ELMOD3: variants seen among roughly 807,000 people sequenced by gnomAD.
ELMOD3 encodes ELMO domain-containing protein 3.
ELMOD3 carries 36 observed loss-of-function variants against 47.4 expected under a neutral mutation model. The ratio of observed to expected loss-of-function variants is 0.76; its 90% CI spans 0.58 to 1.00. The LOEUF (loss-of-function observed/expected upper bound fraction) is 1.00. Among genes scored for constraint, ELMOD3 ranks in the 50% least tolerant of loss-of-function variants. ELMOD3 has a pLI of 0.00. For synonymous variants in ELMOD3, 149 were observed against 183.5 expected, an observed-to-expected ratio of 0.81 and a Z score of 1.52; for missense variants, 404 against 463.8, an observed-to-expected ratio of 0.87 and a Z score of 1.18.
At chr2:85,388,457 A>G (rs968406823) in intron 11 of ELMOD3, among the ~76,000 whole-genome samples, 1 of 152,160 alleles carries the variant, frequency 6.6e-6, no homozygotes, top group Admixed American at 6.5e-5. Context: ...ACAGCACTCA[A>G]AGTTTATGTC....
At chr2:85,372,595 A>C (rs962551734) in intron 10 of ELMOD3, 2 of 152,070 alleles carry the variant, frequency 1.3e-5, no homozygotes, top group Non-Finnish European at 2.9e-5. Context: ...TTTTTTCAAA[A>C]CCATATCAAA....
intron 11 of ELMOD3, among the ~76,000 whole-genome samples, chr2:85,381,682 A>G (rs1685547566): frequency 6.6e-6 from 1 of 152,116 alleles, no homozygotes; most frequent in African/African-American, 2.4e-5. Context: ...TTGCAATCTC[A>G]TGCACCCACC....
At chr2:85,369,283 G>A (rs1684616966) in intron 7 of ELMOD3, among the ~76,000 whole-genome samples, 1 of 152,220 alleles carries the variant, frequency 6.6e-6, no homozygotes, top group African/African-American at 2.4e-5. Context: ...AATAGTATCA[G>A]CCATTGCCTA....
chr2:85,370,991 T>C, intron 8 of ELMOD3, 95 bp from the exon 9 acceptor site: 2 of 1,452,586 alleles, frequency 1.4e-6, no homozygotes, highest in South Asian at 2.6e-5. Flanking sequence ...GGGGAGTTAC[T>C]TTCTGCAAGC....
chr2:85,380,256 A>G (rs937212975), intron 11 of ELMOD3, among the ~76,000 whole-genome samples: 7 of 152,256 alleles, frequency 4.6e-5, no homozygotes, highest in Non-Finnish European at 1.0e-4. Context: ...TGGTCATAGC[A>G]GTATACTAAA....
intron 4 of ELMOD3, among the ~76,000 whole-genome samples, chr2:85,357,753 T>A (rs1229699157): frequency 6.6e-6 from 1 of 152,166 alleles, no homozygotes; most frequent in Non-Finnish European, 1.5e-5. Flanking sequence ...CCAGAAAGAT[T>A]TTCTTCACTG....
chr2:85,388,225 A>G (rs1686073779), intron 11 of ELMOD3, among the ~76,000 whole-genome samples: 1 of 152,146 alleles, frequency 6.6e-6, no homozygotes, highest in East Asian at 1.9e-4. Flanking sequence ...CCTAGACTCA[A>G]GTGATCCATC....
Position 85,357,247 on chromosome 2 carries a change from G to A in ELMOD3, c.49G>A (p.Gly17Arg). The A allele has an allele frequency of 6.3e-7, 1 of 1,597,610 alleles. No homozygotes were observed. The highest frequency in any genetic ancestry group is 8.6e-7 in the Non-Finnish European group (1 of 1,166,988). The change falls in exon 4 of 14, where the codon GGA (glycine) becomes AGA (arginine). Residue 17 changes from glycine to arginine, a missense_variant. Physicochemically the swap from Gly to Arg is moderately radical, Grantham distance 125 (BLOSUM62 -2). Coordinates refer to ENST00000409013, the MANE Select transcript of ELMOD3 (RefSeq NM_001135022.2). ...CCATAGTAAAGAAGAATTAAGAGATGGACAGGTAAGCATGCACTCTTATTT... is the reference window on the plus strand; with the variant it reads ...CCATAGTAAAGAAGAATTAAGAGATAGACAGGTAAGCATGCACTCTTATTT... ...SFHSKEELRD[G>R]QGERLSAGYS...
At chr2:85,364,825 A>ATATATATATATATTTTT (rs375582916) in intron 6 of ELMOD3, among the ~76,000 whole-genome samples, 1 of 69,890 alleles carries the variant, frequency 1.4e-5, no homozygotes, top group Non-Finnish European at 2.5e-5. Flanking sequence ...ATATATATAT[A>ATATATATATATATTTTT]TTTTTTTTTT....
intron 10 of ELMOD3, 51 bp from the exon 11 acceptor site, chr2:85,377,293 T>C: frequency 6.6e-7 from 1 of 1,516,740 alleles, no homozygotes; most frequent in South Asian, 1.3e-5. Flanking sequence ...TGGCAAGCCC[T>C]TGAAGCATTG....
At chr2:85,378,932 G>A (rs2104661721) in intron 11 of ELMOD3, among the ~76,000 whole-genome samples, 1 of 152,282 alleles carries the variant, frequency 6.6e-6, no homozygotes, top group East Asian at 1.9e-4. Flanking sequence ...GTCCTATGAA[G>A]AGAAAATACG....
rs1686249038 is a variant in ELMOD3 at position 85,390,272 on chromosome 2, T to C, written c.943+7T>C. 1 of 1,614,132 alleles carries C rather than the reference T, an allele frequency of 6.2e-7. No individual in the cohort carries two copies. The highest frequency in any genetic ancestry group is 8.5e-7 in the Non-Finnish European group (1 of 1,180,026). On this transcript the variant is annotated splice_region_variant and intron_variant, in intron 13 of 13. Transcript: ENST00000409013. ...TCGGGCTTTGTCCTCAAAGGTGTGCTCTTTCTTCTGGGGAGGCCTAGGCTG... is the reference window on the plus strand; with the variant it reads ...TCGGGCTTTGTCCTCAAAGGTGTGCCCTTTCTTCTGGGGAGGCCTAGGCTG...
rs1683622598 is a variant in ELMOD3, at chr2:85,357,189, A to T, written c.-10A>T. The T allele has an allele frequency of 1.9e-6, 3 of 1,604,578 alleles. No homozygotes were observed. The highest frequency in any genetic ancestry group is 2.6e-6 in the Non-Finnish European group (3 of 1,174,032). On this transcript the variant is annotated 5_prime_UTR_variant, in exon 4 of 14. The change abolishes the stop of an existing upstream ORF in the 5' untranslated region. Transcript: ENST00000409013. ...AGGACAAAGCTCACATGAACAAATG[A>T]TTTTGAGTCATGAATGAAAAATCTT... is the stretch of plus-strand genomic sequence containing the variant.
chr2:85,371,632 C>A, intron 10 of ELMOD3, 70 bp downstream of exon 10: 1 of 1,594,166 alleles, frequency 6.3e-7, no homozygotes, highest in South Asian at 1.1e-5. Flanking sequence ...GAGGCCAGGT[C>A]GTTCTCTTCC....
chr2:85,382,609 G>A (rs561811166), intron 11 of ELMOD3, among the ~76,000 whole-genome samples: 14 of 149,716 alleles, frequency 9.4e-5, no homozygotes, highest in East Asian at 8.1e-4. Flanking sequence ...TCCACCTCTC[G>A]AGTTCAAGTG....
rs145654303 is a variant in ELMOD3 at position 85,388,931 on chromosome 2, A to C, written c.739-820A>C. ...TCTGTACTAAGGAATGCACTGGTCT[A>C]TGTGTTCCTCTCACTGGGTGTCCTT... On this transcript the variant is annotated intron_variant, in intron 11 of 13. Transcript: ENST00000409013. Among the ~76,000 whole-genome samples the C allele has an allele frequency of 2.0e-5, 3 of 152,360 alleles. No homozygotes were observed. The East Asian group carries it at 5.8e-4, about 29-fold the overall frequency.
chr2:85,367,549 T>C (rs562580295), intron 6 of ELMOD3: 1 of 152,264 alleles, frequency 6.6e-6, no homozygotes, highest in South Asian at 2.1e-4. Flanking sequence ...AATAAACCCA[T>C]TGGAAACGAA....
chr2:85,357,203 A>G lies in ELMOD3; in HGVS notation c.5A>G (p.Asn2Ser). ...ATGAACAAATGATTTTGAGTCATGA[A>G]TGAAAAATCTTGCTCTTTCCATAGT... M[N>S]EKSCSFHSKE... Residue 2 changes from asparagine (N) to serine (S), a missense_variant, in exon 4 of 14, where the codon AAT becomes AGT. By Grantham distance (46) the Asn-to-Ser change is conservative. Transcript: ENST00000409013. The G allele has an allele frequency of 1.9e-6, 3 of 1,607,412 alleles. No individual in the cohort carries two copies. Among genetic ancestry groups the G allele is most frequent in the Non-Finnish European group, 2.5e-6 (3 of 1,176,544 alleles).
At chr2:85,359,099 C>T (rs1014061780) in intron 4 of ELMOD3, among the ~76,000 whole-genome samples, 1 of 152,090 alleles carries the variant, frequency 6.6e-6, no homozygotes, top group African/African-American at 2.4e-5. Flanking sequence ...TGTAAATCAG[C>T]CCATTAATGA....
Sources: gnomAD v4.1 joint callset for allele counts (sites outside exome capture counted in the v4.1 genomes callset) on GRCh38, gnomAD v4.1.1 for gene constraint, MANE v1.5 for transcripts, NCBI Gene and HGNC (gene_info 2026-07-23, HGNC 2026-07-21) for gene names.